The following COL6A1 variants were observed in gnomAD, a reference collection of about 807,000 sequenced individuals.
COL6A1 encodes the protein collagen alpha-1(VI) chain.
In COL6A1, 80 loss-of-function variants were observed where a neutral mutation model predicts 145.6. The ratio of observed to expected loss-of-function variants is 0.55; its 90% confidence interval spans 0.46 to 0.66. The LOEUF (loss-of-function observed/expected upper bound fraction) is 0.66, where lower values mean the gene tolerates loss of function less well. COL6A1 is among the 30% of genes least tolerant of loss of function. The pLI is 0.00. For synonymous variants in COL6A1, 638 were observed against 622.8 expected (o/e 1.02, Z -0.36); for missense variants, 1,364 against 1,473.8 (o/e 0.93, Z 1.22).
chr21:46,001,382 T>G lies in COL6A1; in HGVS notation c.1952T>G (p.Val651Gly), dbSNP rs1231540426. 1 of 1,611,258 alleles carries G rather than the reference T, an allele frequency of 6.2e-7. No individual in the cohort carries two copies. Among genetic ancestry groups the G allele is most frequent in the South Asian group, 1.1e-5 (1 of 91,088 alleles). ...GACCGGCTGAGCCGGGACGAGCTGG[T>G]CAAGGTGAGGCCTCGCCCCGCCCGG... ...VIDRLSRDEL[V>G]KFEPGQSYAG... is the part of the protein sequence containing the mutation. Residue 651 changes from valine to glycine, a missense_variant, in exon 30 of 35, where the codon GTC (valine) becomes GGC (glycine). Val to Gly is a moderately radical substitution (Grantham distance 109). Transcript: ENST00000361866.
Position 45,981,796 on chromosome 21 carries a change from C to T in COL6A1, c.-55C>T, listed in dbSNP as rs1475376193. ...GAAGGCAGCCTCGGTCTCTGGGCGGCGGCGGCGGCCCACTCTGCCCTGGCC... is the reference window on the plus strand; with the variant it reads ...GAAGGCAGCCTCGGTCTCTGGGCGGTGGCGGCGGCCCACTCTGCCCTGGCC... On this transcript the variant is annotated 5_prime_UTR_variant, in exon 1 of 35. Coordinates refer to ENST00000361866, the MANE Select transcript of COL6A1 (RefSeq NM_001848.3). 7 of 1,379,068 alleles carry T rather than the reference C, an allele frequency of 5.1e-6. No individual in the cohort carries two copies. In the South Asian group the frequency reaches 5.1e-5, roughly 10 times the overall value. 85.4% of individuals were successfully genotyped at this position (1,379,068 alleles called of 1,614,324 possible).
chr21:45,992,462 C>T (rs1172028225), intron 18 of COL6A1, 64 bp downstream of exon 18: 11 of 1,575,858 alleles, frequency 7.0e-6, no homozygotes, highest in African/African-American at 2.7e-5. Flanking sequence ...GTGGCCTCTG[C>T]GGCCCAGTCT....
At chr21:45,993,485 C>G (rs2077788077) in intron 19 of COL6A1, among the ~76,000 whole-genome samples, 1 of 152,214 alleles carries the variant, frequency 6.6e-6, no homozygotes. Context: ...GCCGAGCTGC[C>G]AGGCCTCAGA....
Position 45,994,150 on chromosome 21 carries a change from G to A in COL6A1, c.1336-17G>A, listed in dbSNP as rs185337381. On this transcript the variant is annotated splice_polypyrimidine_tract_variant and intron_variant, in intron 19 of 34. Transcript: ENST00000361866. This position sits in a 1 kb window ranked among gnomAD's most constrained non-coding sequence, Gnocchi z 6.8. Reference sequence around the variant, plus strand: ...AAGGATGGCCCAGCTCCACACTCACGGCTCGTTTCTCTTCAGGGTGAAGCT... The same window carrying A: ...AAGGATGGCCCAGCTCCACACTCACAGCTCGTTTCTCTTCAGGGTGAAGCT... 1.6e-3 allele frequency: 2,608 copies of A among 1,590,672 alleles called. 2 individuals carry two copies. The highest frequency in any genetic ancestry group is 4.2e-3 in the East Asian group (185 of 43,848).
At chr21:45,982,555 T>TGGCCGGGAGGGCAGGCCC in intron 1 of COL6A1, 79 bp from the exon 2 acceptor site, 1 of 1,601,362 alleles carries the variant, frequency 6.2e-7, no homozygotes, top group East Asian at 2.2e-5. Context: ...GGCGCTGGGC[T>TGGCCGGGAGGGCAGGCCC]GGCCGGGAGG....
chr21:45,999,443 G>T, intron 26 of COL6A1: 1 of 740,936 alleles, frequency 1.3e-6, no homozygotes, highest in Non-Finnish European at 2.3e-6. Context: ...TCCTCAGGGT[G>T]GGGCCCACCT....
intron 10 of COL6A1, 33 bp from the exon 11 acceptor site, chr21:45,989,719 C>T: frequency 6.2e-7 from 1 of 1,613,078 alleles, no homozygotes; most frequent in African/African-American, 1.3e-5. Context: ...ACTAACAAGC[C>T]TTCCTCTTCC....
At chr21:45,999,333 G>T in intron 26 of COL6A1, 115 bp downstream of exon 26, 1 of 1,086,018 alleles carries the variant, frequency 9.2e-7, no homozygotes. Context: ...AGGGAATTTT[G>T]GGGAGCACGT....
In COL6A1 at chr21:45,989,588, C is replaced by CGT. The variant is rs2077761756; in HGVS notation, c.859-20_859-19insGT. On this transcript the variant is annotated intron_variant, in intron 9 of 34. Transcript: ENST00000361866. ...CCCTGCTCCTCCGGGGGTGTCTCAC[C>CGT]ATCTCCTCCTGTGTTCCAGGGAAGA... is the stretch of plus-strand genomic sequence containing the variant. 1 of 1,610,908 alleles carries CGT rather than the reference C, an allele frequency of 6.2e-7. No homozygotes were observed. The highest frequency in any genetic ancestry group is 8.5e-7 in the Non-Finnish European group (1 of 1,179,528).
chr21:45,992,885 A>G (rs1407337897), intron 19 of COL6A1, 75 bp downstream of exon 19: 20 of 1,339,638 alleles, frequency 1.5e-5, no homozygotes, highest in Non-Finnish European at 2.1e-5. Context: ...TCAGGCCTCC[A>G]GAGCCACAGG....
At chr21:45,999,091 G>T in intron 25 of COL6A1, 62 bp from the exon 26 acceptor site, 5 of 1,547,804 alleles carry the variant, frequency 3.2e-6, no homozygotes, top group Non-Finnish European at 4.4e-6. Context: ...TCTGTGGACG[G>T]GGCCAGCGCG....
rs1363909344 is a variant in COL6A1 at position 45,994,473 on chromosome 21, C to A, written c.1398+244C>A. ...GGGGCCTGACGCTGAGACGCTCAGC[C>A]CAGGTGGAGAAGCGCTGTCTGGGGG... On this transcript the variant is annotated intron_variant, in intron 20 of 34. Transcript: ENST00000361866. This position sits in a 1 kb window ranked among gnomAD's most constrained non-coding sequence, Gnocchi z 6.8. Among the ~76,000 whole-genome samples, 1 of 151,774 alleles carries A rather than the reference C, an allele frequency of 6.6e-6. No homozygotes were observed. Among genetic ancestry groups the A allele is most frequent in the African/African-American group, 2.4e-5 (1 of 41,282 alleles).
chr21:45,986,831 CT>C, intron 4 of COL6A1, 112 bp from the exon 5 acceptor site: 1 of 1,523,324 alleles, frequency 6.6e-7, no homozygotes, highest in Non-Finnish European at 8.8e-7. Context: ...CCAGCCCCTC[CT>C]GCTGAGGAGC....
intron 18 of COL6A1, 63 bp downstream of exon 18, chr21:45,992,461 G>A: frequency 6.3e-7 from 1 of 1,582,346 alleles, no homozygotes; most frequent in Non-Finnish European, 8.6e-7. Context: ...CGTGGCCTCT[G>A]CGGCCCAGTC....
chr21:45,985,162 A>G (rs574634056), intron 3 of COL6A1, among the ~76,000 whole-genome samples: 23 of 124,156 alleles, frequency 1.9e-4, no homozygotes, highest in Admixed American at 1.8e-3. Context: ...AAACAGAGAC[A>G]GAAACATACA....
intron 3 of COL6A1, among the ~76,000 whole-genome samples, chr21:45,985,574 C>T (rs2077734883): frequency 6.6e-6 from 1 of 152,232 alleles, no homozygotes. Context: ...GGGGTTTCCT[C>T]TCATCCCAGT....
chr21:45,982,332 C>A (rs1057384568), intron 1 of COL6A1, among the ~76,000 whole-genome samples: 2 of 148,784 alleles, frequency 1.3e-5, no homozygotes, highest in African/African-American at 2.5e-5. Context: ...GTTCTGAATC[C>A]AGCGAGAAAC....
chr21:45,984,943 CAG>C (rs559167640), intron 3 of COL6A1, among the ~76,000 whole-genome samples: 243 of 145,944 alleles, frequency 1.7e-3, no homozygotes, highest in African/African-American at 5.8e-3. Context: ...GACAGAGAGA[CAG>C]AAACAGGGAC....
intron 2 of COL6A1, among the ~76,000 whole-genome samples, 191 bp from the exon 3 acceptor site, chr21:45,984,078 G>A (rs1569517691): frequency 6.6e-6 from 1 of 152,184 alleles, no homozygotes; most frequent in African/African-American, 2.4e-5. Flanking sequence ...GGCGCAGGTC[G>A]CTTGCTGGCC....
Sources: allele counts gnomAD v4.1 joint callset (sites outside exome capture counted in the v4.1 genomes callset), GRCh38; gene constraint gnomAD v4.1.1; non-coding constraint Gnocchi (gnomAD v3.1); transcripts MANE v1.5; gene names NCBI Gene and HGNC (gene_info 2026-07-23, HGNC 2026-07-21).